KLHL2: variants seen among roughly 807,000 people sequenced by gnomAD.
KLHL2 encodes the protein kelch-like protein 2.
In KLHL2, 15 loss-of-function variants were observed where a neutral mutation model predicts 75.8. That is an observed-to-expected ratio of 0.20 (90% CI 0.13 to 0.30). The LOEUF (loss-of-function observed/expected upper bound fraction) is 0.30. Among genes scored for constraint, KLHL2 ranks in the 10% least tolerant of loss-of-function variants. The probability of loss-of-function intolerance (pLI) is 1.00; values close to 1 mark genes in which losing one functional copy is unlikely to be tolerated. For missense variants in KLHL2, 381 were observed against 741.0 expected (o/e 0.51, Z 5.64); for synonymous variants, 214 against 251.9 (o/e 0.85, Z 1.42).
chr4:165,318,089 T>TG, intron 14 of KLHL2, 120 bp downstream of exon 14: 1 of 865,532 alleles, frequency 1.2e-6, no homozygotes, highest in Non-Finnish European at 1.8e-6. Context: ...GTTTATATCT[T>TG]ATTCTTAAGA....
intron 5 of KLHL2, among the ~76,000 whole-genome samples, chr4:165,292,514 G>T (rs1744595392): frequency 6.6e-6 from 1 of 151,762 alleles, no homozygotes; most frequent in Admixed American, 6.6e-5. Flanking sequence ...TGTATTTTTT[G>T]TAGAGACGGG....
intron 2 of KLHL2, among the ~76,000 whole-genome samples, chr4:165,225,453 A>C (rs540549150): frequency 2.0e-5 from 3 of 152,258 alleles, no homozygotes; most frequent in Non-Finnish European, 2.9e-5. Flanking sequence ...TTTGCTAAAT[A>C]ACAACTTATT....
intron 4 of KLHL2, among the ~76,000 whole-genome samples, chr4:165,251,208 T>C (rs1453735043): frequency 2.0e-5 from 3 of 151,960 alleles, no homozygotes; most frequent in Admixed American, 6.6e-5. Context: ...TGGGTACTTA[T>C]ATCATTGTAA....
chr4:165,277,498 C>T (rs1231603952), intron 5 of KLHL2, among the ~76,000 whole-genome samples: 6 of 152,150 alleles, frequency 3.9e-5, no homozygotes, highest in African/African-American at 1.4e-4. Context: ...GAAAAGAAGA[C>T]TTTTGGGGTA....
intron 5 of KLHL2, among the ~76,000 whole-genome samples, chr4:165,292,641 G>C (rs535670726): frequency 1.3e-5 from 2 of 152,154 alleles, no homozygotes; most frequent in African/African-American, 2.4e-5. Flanking sequence ...CCAACCTTTT[G>C]TAAATTGAAT....
At chr4:165,238,756 C>T (rs1739567642) in intron 3 of KLHL2, 22 bp from the exon 4 acceptor site, 2 of 1,613,152 alleles carry the variant, frequency 1.2e-6, no homozygotes, top group Non-Finnish European at 1.7e-6. Flanking sequence ...TGTAACATCA[C>T]TCTTATTCCT....
In KLHL2 at chr4:165,230,866, T is replaced by A. The variant is rs536182764; in HGVS notation, c.259+1953T>A. Among the ~76,000 whole-genome samples the A allele has an allele frequency of 7.2e-5, 11 of 152,384 alleles. No homozygotes were observed. In the East Asian group the frequency reaches 1.7e-3, roughly 24 times the overall value. On this transcript the variant is annotated intron_variant, in intron 3 of 14. Coordinates refer to ENST00000226725, the MANE Select transcript of KLHL2 (RefSeq NM_007246.4). ...ATGCTTCATGATTTAGCTGACGTGGTTTATGAATATGTGAGCTTTGCCTAA... is the reference window on the plus strand; with the variant it reads ...ATGCTTCATGATTTAGCTGACGTGGATTATGAATATGTGAGCTTTGCCTAA...
chr4:165,283,899 G>A (rs895296903), intron 5 of KLHL2, among the ~76,000 whole-genome samples: 1 of 152,196 alleles, frequency 6.6e-6, no homozygotes, highest in East Asian at 1.9e-4. Flanking sequence ...TGACTTCTGT[G>A]TACTCACAGG....
In KLHL2 at chr4:165,294,375, T is replaced by C. The variant is rs1744750823; in HGVS notation, c.561T>C (p.Asp187=). The stretch of plus-strand genomic sequence containing the variant: ...CCCAAACAGAGCAACATTTTGCAGA[T>C]GTTGTACTTAGTGAAGAATTTCTCA... The part of the protein sequence containing the change: ...ANTYAEQHFA[D]VVLSEEFLNL... The change falls in exon 6 of 15, where the codon GAT becomes GAC. Residue 187 remains aspartate, a synonymous_variant. Coordinates refer to ENST00000226725, the MANE Select transcript of KLHL2 (RefSeq NM_007246.4). 2 of 1,606,124 alleles carry C rather than the reference T, an allele frequency of 1.2e-6. No homozygotes were observed. Among genetic ancestry groups the C allele is most frequent in the African/African-American group, 1.3e-5 (1 of 74,752 alleles).
In KLHL2 at chr4:165,301,686, A is replaced by C. The variant is rs1448360033; in HGVS notation, c.921+2030A>C. 3.9e-5 allele frequency among the ~76,000 whole-genome samples: 6 copies of C among 152,182 alleles called. No individual in the cohort carries two copies. The East Asian group carries it at 1.2e-3, about 29-fold the overall frequency. On this transcript the variant is annotated intron_variant, in intron 8 of 14. Coordinates refer to ENST00000226725, the MANE Select transcript of KLHL2 (RefSeq NM_007246.4). Reference sequence around the variant, plus strand: ...TCTTGGCAGTGAGTTTAAGGTTGCCATTTATTTTATTTTATTATTTTATGT... The same window carrying C: ...TCTTGGCAGTGAGTTTAAGGTTGCCCTTTATTTTATTTTATTATTTTATGT...
intron 4 of KLHL2, among the ~76,000 whole-genome samples, chr4:165,244,598 A>G (rs1740095434): frequency 6.6e-6 from 1 of 152,206 alleles, no homozygotes; most frequent in South Asian, 2.1e-4. Context: ...CATTGATGGA[A>G]TATCTGATAA....
At chr4:165,229,497 A>G (rs1482184033) in intron 3 of KLHL2, among the ~76,000 whole-genome samples, 1 of 152,236 alleles carries the variant, frequency 6.6e-6, no homozygotes, top group African/African-American at 2.4e-5. Flanking sequence ...TGTTACATCA[A>G]TGAGTTTATA....
intron 1 of KLHL2, among the ~76,000 whole-genome samples, chr4:165,218,527 C>G (rs1223717358): frequency 1.3e-5 from 2 of 152,138 alleles, no homozygotes; most frequent in African/African-American, 2.4e-5. Flanking sequence ...CCACATTTCT[C>G]TCTCTCTTCA....
intron 5 of KLHL2, among the ~76,000 whole-genome samples, chr4:165,286,433 A>C (rs1441698170): frequency 5.3e-5 from 8 of 152,164 alleles, no homozygotes; most frequent in African/African-American, 1.9e-4. Context: ...TTAGATAGTT[A>C]AGACAGAACA....
At chr4:165,242,632 G>T (rs934784882) in intron 4 of KLHL2, among the ~76,000 whole-genome samples, 5 of 152,056 alleles carry the variant, frequency 3.3e-5, no homozygotes, top group African/African-American at 9.7e-5. Context: ...AAGTAGCTGG[G>T]ACTACAGACA....
At chr4:165,215,700 G>A (rs901701851) in intron 1 of KLHL2, among the ~76,000 whole-genome samples, 2 of 151,926 alleles carry the variant, frequency 1.3e-5, no homozygotes, top group African/African-American at 4.8e-5. Context: ...CTTTGCAGCT[G>A]CATCATTCAC....
chr4:165,284,926 C>G (rs1291790357), intron 5 of KLHL2, among the ~76,000 whole-genome samples: 2 of 152,170 alleles, frequency 1.3e-5, no homozygotes, highest in Non-Finnish European at 2.9e-5. Context: ...AGGAAACTCC[C>G]ATTTTTAAAA....
intron 6 of KLHL2, among the ~76,000 whole-genome samples, chr4:165,295,749 A>C (rs545623548): frequency 3.0e-4 from 46 of 152,216 alleles, no homozygotes; most frequent in Non-Finnish European, 5.9e-4. Context: ...AGAATATACA[A>C]ATGTAAAGAG....
In KLHL2 at chr4:165,310,620, T is replaced by G; in HGVS notation, c.1107T>G (p.Thr369=). 1 of 1,614,158 alleles carries G rather than the reference T, an allele frequency of 6.2e-7. No homozygotes were observed. The highest frequency in any genetic ancestry group is 1.1e-5 in the South Asian group (1 of 91,088). ...GGFNGSLRVR[T]VDSYDPVKDQ... ...TTAATGGCTCATTAAGAGTTCGCAC[T>G]GTAGATTCCTACGACCCTGTGAAGG... The change falls in exon 10 of 15, where the codon ACT becomes ACG. Residue 369 remains threonine, a synonymous_variant. Transcript: ENST00000226725.
Sources: gnomAD v4.1 joint callset for allele counts (sites outside exome capture counted in the v4.1 genomes callset) on GRCh38, gnomAD v4.1.1 for gene constraint, MANE v1.5 for transcripts, NCBI Gene and HGNC (gene_info 2026-07-23, HGNC 2026-07-21) for gene names.